The following SGCD variants were observed in gnomAD, a reference collection of about 807,000 sequenced individuals.
SGCD encodes the protein sarcoglycan delta, also known as delta-sarcoglycan.
SGCD carries 18 observed loss-of-function variants against 36.6 expected under a neutral mutation model. That is an observed-to-expected ratio of 0.49 (90% CI 0.34 to 0.73). The LOEUF is 0.73. Among genes scored for constraint, SGCD ranks in the 30% least tolerant of loss-of-function variants. SGCD has a pLI of 0.01. For missense variants in SGCD, 387 were observed against 346.7 expected (o/e 1.12, Z -0.92); for synonymous variants, 133 against 130.6 (o/e 1.02, Z -0.12).
At chr5:155,796,803 T>A in the SGCD span, among the ~76,000 whole-genome samples, 1 of 38,916 alleles carries the variant, frequency 2.6e-5, no homozygotes, top group Non-Finnish European at 3.9e-5. Flanking sequence ...TGAAACTCCA[T>A]CTCAAAAAAA....
chr5:155,888,529 G>A (rs1756055891), intron 1 of SGCD, among the ~76,000 whole-genome samples: 1 of 152,128 alleles, frequency 6.6e-6, no homozygotes, highest in Admixed American at 6.5e-5. Context: ...AGATAACTCT[G>A]TGTATTTTTT....
At chr5:155,842,708 T>G in the SGCD span, among the ~76,000 whole-genome samples, 1 of 152,204 alleles carries the variant, frequency 6.6e-6, no homozygotes, top group Non-Finnish European at 1.5e-5. Flanking sequence ...AAAATAGAAT[T>G]TTAATAAATT....
At chr5:156,474,377 T>C (rs912418089) in intron 3 of SGCD, among the ~76,000 whole-genome samples, 1 of 152,240 alleles carries the variant, frequency 6.6e-6, no homozygotes, top group Non-Finnish European at 1.5e-5. Flanking sequence ...TATGCACTTA[T>C]GCGTACCCTT....
intron 3 of SGCD, among the ~76,000 whole-genome samples, chr5:156,476,016 G>C (rs1755161859): frequency 6.6e-6 from 1 of 152,182 alleles, no homozygotes; most frequent in Admixed American, 6.5e-5. Flanking sequence ...GTTTTGACTT[G>C]CCGTGGCTGA....
intron 1 of SGCD, among the ~76,000 whole-genome samples, chr5:156,013,777 A>G (rs1758910196): frequency 6.6e-6 from 1 of 152,010 alleles, no homozygotes; most frequent in African/African-American, 2.4e-5. Context: ...AATTTTATTT[A>G]TGGTATTTTT....
intron 4 of SGCD, among the ~76,000 whole-genome samples, chr5:156,528,401 C>CT (rs943020723): frequency 1.6e-4 from 24 of 152,068 alleles, no homozygotes; most frequent in African/African-American, 5.1e-4. Flanking sequence ...ATACTATTAT[C>CT]TTTTTTTGCC....
chr5:156,603,197 A>G (rs1482721864), intron 6 of SGCD, among the ~76,000 whole-genome samples: 1 of 151,990 alleles, frequency 6.6e-6, no homozygotes, highest in East Asian at 1.9e-4. Flanking sequence ...GAATTTATCC[A>G]TTTCATCTAG....
At chr5:156,463,701 C>T (rs1754597364) in intron 3 of SGCD, among the ~76,000 whole-genome samples, 1 of 152,142 alleles carries the variant, frequency 6.6e-6, no homozygotes, top group African/African-American at 2.4e-5. Context: ...GTGATAAAAA[C>T]TGCCCAGCTA....
intron 4 of SGCD, among the ~76,000 whole-genome samples, chr5:156,524,506 T>G (rs952570136): frequency 1.3e-5 from 2 of 151,536 alleles, no homozygotes; most frequent in Non-Finnish European, 2.9e-5. Flanking sequence ...AACTTAATGA[T>G]GTTTTAATAT....
intron 3 of SGCD, among the ~76,000 whole-genome samples, chr5:156,218,119 C>G (rs11750859): frequency 0.026 from 4,011 of 152,024 alleles, 76 homozygotes; most frequent in Non-Finnish European, 0.04. Context: ...ACTAAAAATA[C>G]AAAAATTAGT....
chr5:156,518,490 G>C (rs1397731176), intron 4 of SGCD, among the ~76,000 whole-genome samples: 2 of 152,130 alleles, frequency 1.3e-5, no homozygotes, highest in Admixed American at 6.5e-5. Flanking sequence ...AAGTGGGCCT[G>C]ATAGATATCT....
At chr5:156,154,160 A>G (rs1302484127) in intron 3 of SGCD, among the ~76,000 whole-genome samples, 1 of 151,678 alleles carries the variant, frequency 6.6e-6, no homozygotes, top group East Asian at 1.9e-4. Flanking sequence ...AAAGCTGTCC[A>G]GTAACTTGCT....
chr5:156,484,297 C>T (rs1488290201), intron 3 of SGCD, among the ~76,000 whole-genome samples: 1 of 152,142 alleles, frequency 6.6e-6, no homozygotes, highest in Non-Finnish European at 1.5e-5. Flanking sequence ...AGAGAAGTAA[C>T]ATTTATGGAG....
At chr5:156,437,256 T>A (rs1753284697) in intron 3 of SGCD, among the ~76,000 whole-genome samples, 1 of 152,164 alleles carries the variant, frequency 6.6e-6, no homozygotes, top group African/African-American at 2.4e-5. Context: ...ATGTTGTGGT[T>A]TGGGATGCAA....
At chr5:156,606,503 A>T (rs1761461811) in intron 6 of SGCD, among the ~76,000 whole-genome samples, 1 of 151,960 alleles carries the variant, frequency 6.6e-6, no homozygotes, top group African/African-American at 2.4e-5. Context: ...TTGTTCTTTT[A>T]GCTTAGGATT....
intron 7 of SGCD, among the ~76,000 whole-genome samples, chr5:156,747,668 C>T (rs754857259): frequency 1.5e-4 from 23 of 152,110 alleles, no homozygotes; most frequent in Non-Finnish European, 2.8e-4. Flanking sequence ...ATGGAAGCCA[C>T]GGTCTTTTTA....
the SGCD span, among the ~76,000 whole-genome samples, chr5:155,798,448 A>G: frequency 1.3e-5 from 2 of 152,214 alleles, no homozygotes; most frequent in Non-Finnish European, 2.9e-5. Context: ...GATTAATACC[A>G]TCCATCACAC....
chr5:156,642,248 G>T (rs985975862), intron 6 of SGCD, among the ~76,000 whole-genome samples: 1 of 152,026 alleles, frequency 6.6e-6, no homozygotes, highest in African/African-American at 2.4e-5. Context: ...GATGGCTAGG[G>T]TTTCAACATC....
chr5:156,695,135 TG>T (rs1754259022), intron 7 of SGCD, among the ~76,000 whole-genome samples: 1 of 117,270 alleles, frequency 8.5e-6, no homozygotes, highest in African/African-American at 3.0e-5. Context: ...TGTGTGTGTG[TG>T]TTTGTGTGTG....
Sources: gnomAD v4.1 joint callset for allele counts (sites outside exome capture counted in the v4.1 genomes callset) on GRCh38, gnomAD v4.1.1 for gene constraint, MANE v1.5 for transcripts, NCBI Gene and HGNC (gene_info 2026-07-23, HGNC 2026-07-21) for gene names.